CATSPERE: variants seen among roughly 807,000 people sequenced by gnomAD.
CATSPERE encodes the protein catsper channel auxiliary subunit epsilon, also known as cation channel sperm-associated auxiliary subunit epsilon.
Under a neutral mutation model 114.1 loss-of-function variants are expected in CATSPERE, and 93 were observed. That is an observed-to-expected ratio of 0.81 (90% CI 0.69 to 0.97). The LOEUF (loss-of-function observed/expected upper bound fraction) is 0.97, where lower values mean the gene tolerates loss of function less well. CATSPERE is among the 50% of genes least tolerant of loss of function. The pLI, the probability that CATSPERE is intolerant of heterozygous loss-of-function variation, is 0.00. For missense variants in CATSPERE, 1,058 were observed against 1,131.6 expected (o/e 0.93, Z 0.93); for synonymous variants, 341 against 384.1 (o/e 0.89, Z 1.31).
At chr1:244,553,711 G>C (rs1359476651) in intron 9 of CATSPERE, among the ~76,000 whole-genome samples, 1 of 144,738 alleles carries the variant, frequency 6.9e-6, no homozygotes, top group African/African-American at 2.6e-5. Flanking sequence ...AGAAACACTA[G>C]AACTTATTTC....
At chr1:244,482,730 C>T (rs1468983244) in intron 5 of CATSPERE, among the ~76,000 whole-genome samples, 1 of 152,126 alleles carries the variant, frequency 6.6e-6, no homozygotes, top group Non-Finnish European at 1.5e-5. Flanking sequence ...TAGAACATCA[C>T]ACCTCTTTAT....
chr1:244,617,855 A>G (rs1480289032), intron 20 of CATSPERE, among the ~76,000 whole-genome samples, 169 bp downstream of exon 20: 1 of 152,148 alleles, frequency 6.6e-6, no homozygotes, highest in Non-Finnish European at 1.5e-5. Context: ...AGAAGATTTT[A>G]TGTTGTGTTA....
At chr1:244,586,382 A>G (rs1159298819) in intron 13 of CATSPERE, among the ~76,000 whole-genome samples, 2 of 152,152 alleles carry the variant, frequency 1.3e-5, no homozygotes, top group African/African-American at 2.4e-5. Flanking sequence ...ACTATGATAG[A>G]TTTGAGAACC....
intron 9 of CATSPERE, among the ~76,000 whole-genome samples, chr1:244,553,496 G>A (rs1421348253): frequency 6.7e-6 from 1 of 150,282 alleles, no homozygotes; most frequent in African/African-American, 2.5e-5. Context: ...TGGGAGAATG[G>A]CGTGAACCCG....
At chr1:244,529,112 C>G (rs1398504558) in intron 8 of CATSPERE, among the ~76,000 whole-genome samples, 5 of 152,158 alleles carry the variant, frequency 3.3e-5, no homozygotes, top group Admixed American at 3.3e-4. Context: ...CAAATCTTGA[C>G]TATTATGAAT....
At chr1:244,452,077 C>T (rs900207147), upstream of CATSPERE, 17 of 319,686 alleles carry the variant, frequency 5.3e-5, no homozygotes, top group East Asian at 1.4e-4. Flanking sequence ...GTGGCGGCAA[C>T]GGCCGCCACC....
intron 17 of CATSPERE, among the ~76,000 whole-genome samples, chr1:244,599,730 T>C (rs10927276): frequency 0.82 from 124,686 of 152,124 alleles, 51,188 homozygotes; most frequent in East Asian, 0.87. Context: ...TAAACTTCAC[T>C]GCACTCACTC....
rs145960249 is a variant in CATSPERE, at chr1:244,512,890, G to A, written c.430-5702G>A. ...TGAGTTTTGCAGTGGCTTAGGCTGT[G>A]GTTGTTATTGAAGGCTATGGTGGGG... On this transcript the variant is annotated intron_variant, in intron 7 of 21. Coordinates refer to ENST00000366534, the MANE Select transcript of CATSPERE (RefSeq NM_001130957.2). 1.6e-4 allele frequency among the ~76,000 whole-genome samples: 25 copies of A among 152,314 alleles called. No individual in the cohort carries two copies. In the East Asian group the frequency reaches 4.4e-3, roughly 27 times the overall value.
intron 20 of CATSPERE, among the ~76,000 whole-genome samples, chr1:244,626,213 A>C (rs1278425257): frequency 6.6e-6 from 1 of 151,636 alleles, no homozygotes; most frequent in Non-Finnish European, 1.5e-5. Flanking sequence ...GAGGCTGGGC[A>C]TGGTGACTCA....
At chr1:244,451,466 CCCG>C (rs1665596857), upstream of CATSPERE, among the ~76,000 whole-genome samples, 1 of 152,210 alleles carries the variant, frequency 6.6e-6, no homozygotes, top group South Asian at 2.1e-4. This position sits in a 1 kb window ranked among gnomAD's most constrained non-coding sequence, Gnocchi z 6.6. Context: ...TCCCCGACCT[CCCG>C]CCATTTCTCC....
intron 5 of CATSPERE, among the ~76,000 whole-genome samples, chr1:244,480,071 A>C (rs1371034226): frequency 6.6e-6 from 1 of 152,234 alleles, no homozygotes; most frequent in Non-Finnish European, 1.5e-5. Context: ...AGTTGTGGAA[A>C]CATAAGCATG....
At chr1:244,497,733 G>T (rs894876887) in intron 6 of CATSPERE, among the ~76,000 whole-genome samples, 3 of 152,146 alleles carry the variant, frequency 2.0e-5, no homozygotes, top group Non-Finnish European at 4.4e-5. Context: ...GGAGGTGGAG[G>T]TTGCAGTGAG....
intron 20 of CATSPERE, among the ~76,000 whole-genome samples, chr1:244,622,874 CA>C (rs764158261): frequency 4.6e-5 from 7 of 152,062 alleles, no homozygotes; most frequent in Non-Finnish European, 8.8e-5. Context: ...TCATCCACAC[CA>C]GAGCACTTCT....
At chr1:244,524,355 T>C (rs1166909635) in intron 8 of CATSPERE, among the ~76,000 whole-genome samples, 2 of 150,848 alleles carry the variant, frequency 1.3e-5, no homozygotes, top group African/African-American at 5.0e-5. Flanking sequence ...GATTAAAGAC[T>C]TAAACATTAG....
intron 2 of CATSPERE, among the ~76,000 whole-genome samples, chr1:244,472,229 A>T (rs3124063): frequency 2.0e-5 from 3 of 151,984 alleles, no homozygotes; most frequent in Non-Finnish European, 4.4e-5. Flanking sequence ...TGAAAGTGCT[A>T]GGATTACAGG....
chr1:244,611,091 G>A (rs61842371), intron 19 of CATSPERE, among the ~76,000 whole-genome samples: 26,254 of 151,944 alleles, frequency 0.17, 2,382 homozygotes, highest in African/African-American at 0.21. Context: ...TATCATTAGC[G>A]TTTATAACTA....
At chr1:244,627,776 G>GCTA (rs1673398638) in intron 20 of CATSPERE, among the ~76,000 whole-genome samples, 1 of 152,188 alleles carries the variant, frequency 6.6e-6, no homozygotes, top group African/African-American at 2.4e-5. Flanking sequence ...CTTATCCACA[G>GCTA]TTTCGCTTCC....
intron 6 of CATSPERE, among the ~76,000 whole-genome samples, chr1:244,492,254 G>C (rs1558363455): frequency 6.6e-6 from 1 of 152,078 alleles, no homozygotes; most frequent in Non-Finnish European, 1.5e-5. Context: ...CCATGATCAA[G>C]TGGGCTTCAT....
At chr1:244,499,187 C>A in intron 7 of CATSPERE, 108 bp downstream of exon 7, 2 of 706,942 alleles carry the variant, frequency 2.8e-6, no homozygotes, top group Admixed American at 2.5e-5. Context: ...GCTGCCCACA[C>A]CTAACTAAAT....
Sources: allele counts gnomAD v4.1 joint callset (sites outside exome capture counted in the v4.1 genomes callset), GRCh38; gene constraint gnomAD v4.1.1; non-coding constraint Gnocchi (gnomAD v3.1); transcripts MANE v1.5; gene names NCBI Gene and HGNC (gene_info 2026-07-23, HGNC 2026-07-21).